The following ZDHHC21 variants were observed in gnomAD, a reference collection of about 807,000 sequenced individuals.
The protein encoded by ZDHHC21 is zDHHC palmitoyltransferase 21, also known as palmitoyltransferase ZDHHC21.
A neutral mutation model predicts 34.6 loss-of-function variants in ZDHHC21; 15 were observed. That is an observed-to-expected ratio of 0.43 (90% CI 0.29 to 0.67). The LOEUF (loss-of-function observed/expected upper bound fraction) is 0.67. ZDHHC21 is among the 30% of genes least tolerant of loss of function. The probability of loss-of-function intolerance (pLI) is 0.14; values close to 1 mark genes in which losing one functional copy is unlikely to be tolerated. For missense variants in ZDHHC21, 344 were observed against 327.7 expected (o/e 1.05, Z -0.38); for synonymous variants, 142 against 101.8 (o/e 1.40, Z -2.38).
At chr9:14,670,609 T>A (rs1285073934) in intron 5 of ZDHHC21, among the ~76,000 whole-genome samples, 1 of 152,096 alleles carries the variant, frequency 6.6e-6, no homozygotes, top group Non-Finnish European at 1.5e-5. Context: ...AAGAATTTAT[T>A]TGCTAATCTA....
chr9:14,622,884 A>G (rs557144395), intron 8 of ZDHHC21, among the ~76,000 whole-genome samples: 1 of 152,238 alleles, frequency 6.6e-6, no homozygotes, highest in East Asian at 1.9e-4. Context: ...AGACAGTTCA[A>G]TCTAACCTCA....
chr9:14,669,890 A>G (rs1321419850), intron 5 of ZDHHC21, among the ~76,000 whole-genome samples: 1 of 142,942 alleles, frequency 7.0e-6, no homozygotes, highest in Non-Finnish European at 1.5e-5. Flanking sequence ...GCATTGGGAG[A>G]TATACCTAAT....
chr9:14,637,913 A>C (rs7027971), intron 8 of ZDHHC21, among the ~76,000 whole-genome samples: 86,101 of 151,904 alleles, frequency 0.57, 25,068 homozygotes, highest in African/African-American at 0.7. Flanking sequence ...ATCCCATGAT[A>C]ATGGATCAGA....
At chr9:14,623,997 A>G (rs928103715) in intron 8 of ZDHHC21, among the ~76,000 whole-genome samples, 2 of 152,158 alleles carry the variant, frequency 1.3e-5, no homozygotes, top group African/African-American at 4.8e-5. Context: ...TATATGATCC[A>G]GCAATCACAG....
rs948115536 is a variant in ZDHHC21, at chr9:14,618,610, A to C, written c.*356T>G. 1 of 166,070 alleles carries C rather than the reference A, an allele frequency of 6.0e-6. No individual in the cohort carries two copies. Among genetic ancestry groups the C allele is most frequent in the African/African-American group, 2.4e-5 (1 of 42,064 alleles). 10.3% of individuals were successfully genotyped at this position (166,070 alleles called of 1,614,324 possible). On this transcript the variant is annotated 3_prime_UTR_variant, in exon 10 of 10. Transcript: ENST00000380916. ...CTGTTTAAAAGTGAAAATTTTAAAT[A>C]AACATCTGAAATTTACCATAAATTA...
At chr9:14,656,231 T>C (rs980007436) in intron 7 of ZDHHC21, among the ~76,000 whole-genome samples, 1 of 151,978 alleles carries the variant, frequency 6.6e-6, no homozygotes, top group African/African-American at 2.4e-5. Context: ...TAGAGCTACA[T>C]AGATTATAAA....
the ZDHHC21 span, among the ~76,000 whole-genome samples, chr9:14,605,790 T>C: frequency 6.6e-6 from 1 of 152,196 alleles, no homozygotes. Flanking sequence ...ATGTTTTCTT[T>C]TAGGAGTTTT....
chr9:14,628,586 G>GT (rs1826728545), intron 8 of ZDHHC21, among the ~76,000 whole-genome samples: 1 of 151,562 alleles, frequency 6.6e-6, no homozygotes, highest in East Asian at 1.9e-4. Context: ...CAAGAGTAGG[G>GT]AAAAAGTAAG....
chr9:14,685,064 A>C (rs969839816), intron 2 of ZDHHC21, among the ~76,000 whole-genome samples: 3 of 152,228 alleles, frequency 2.0e-5, no homozygotes, highest in Non-Finnish European at 4.4e-5. Context: ...AAGATGGATT[A>C]AAGACTTACA....
the ZDHHC21 span, among the ~76,000 whole-genome samples, chr9:14,598,439 T>A: frequency 6.6e-6 from 1 of 152,008 alleles, no homozygotes; most frequent in Non-Finnish European, 1.5e-5. Context: ...TATAGATACA[T>A]CTATAGGAAA....
chr9:14,597,464 G>A, the ZDHHC21 span, among the ~76,000 whole-genome samples: 3 of 152,286 alleles, frequency 2.0e-5, no homozygotes, highest in East Asian at 5.8e-4. Context: ...CAGAATCTGA[G>A]AGCGGCCTGC....
chr9:14,688,864 AAAC>A (rs1838750659), intron 2 of ZDHHC21, among the ~76,000 whole-genome samples: 2 of 152,046 alleles, frequency 1.3e-5, no homozygotes, highest in Admixed American at 1.3e-4. Flanking sequence ...TCTGTCTCAA[AAAC>A]AACAACAAAA....
intron 7 of ZDHHC21, among the ~76,000 whole-genome samples, chr9:14,646,748 C>G (rs558925310): frequency 1.3e-5 from 2 of 152,098 alleles, no homozygotes; most frequent in Non-Finnish European, 2.9e-5. Flanking sequence ...TTATCAGAGA[C>G]CTTTTCCTTG....
At chr9:14,693,157 G>C (rs1413983216) in intron 1 of ZDHHC21, 72 bp downstream of exon 1, 4 of 241,422 alleles carry the variant, frequency 1.7e-5, no homozygotes, top group African/African-American at 9.6e-5. Flanking sequence ...GCGGGGGCCG[G>C]GGATGGGGGT....
the ZDHHC21 span, among the ~76,000 whole-genome samples, chr9:14,601,541 G>A: frequency 1.3e-5 from 2 of 152,348 alleles, no homozygotes; most frequent in Non-Finnish European, 2.9e-5. Flanking sequence ...CTTTTACACT[G>A]CTGGTGGGAG....
intron 8 of ZDHHC21, among the ~76,000 whole-genome samples, chr9:14,639,441 G>C (rs989229810): frequency 6.6e-6 from 1 of 152,008 alleles, no homozygotes; most frequent in Non-Finnish European, 1.5e-5. Context: ...ATGCTCAGTA[G>C]CACAGTAGGG....
chr9:14,692,356 A>C (rs563713513), intron 1 of ZDHHC21, among the ~76,000 whole-genome samples: 2 of 152,306 alleles, frequency 1.3e-5, no homozygotes, highest in South Asian at 4.2e-4. Flanking sequence ...CCTATTTAAC[A>C]CATCTTTTTA....
chr9:14,617,447 G>C lies in ZDHHC21; in HGVS notation c.*1519C>G, dbSNP rs1824420120. The C allele has an allele frequency of 6.6e-6, 1 of 151,910 alleles. No individual in the cohort carries two copies. The highest frequency in any genetic ancestry group is 1.5e-5 in the Non-Finnish European group (1 of 67,914). 9.4% of individuals were successfully genotyped at this position (151,910 alleles called of 1,614,324 possible). Reference sequence around the variant, plus strand: ...TTCTGAAAGAACTAACCACAGTATAGCCAACTGGCTGACAATGGTAACCTT... The same window carrying C: ...TTCTGAAAGAACTAACCACAGTATACCCAACTGGCTGACAATGGTAACCTT... On this transcript the variant is annotated 3_prime_UTR_variant, in exon 10 of 10. Transcript: ENST00000380916.
chr9:14,603,929 A>G, the ZDHHC21 span, among the ~76,000 whole-genome samples: 7 of 152,306 alleles, frequency 4.6e-5, no homozygotes, highest in South Asian at 1.4e-3. Flanking sequence ...CCTTAAGAAA[A>G]TATATCCTTC....
Sources: gnomAD v4.1 joint callset for allele counts (sites outside exome capture counted in the v4.1 genomes callset) on GRCh38, gnomAD v4.1.1 for gene constraint, MANE v1.5 for transcripts, NCBI Gene and HGNC (gene_info 2026-07-23, HGNC 2026-07-21) for gene names.